The following SORBS2 variants were observed in gnomAD, a reference collection of about 807,000 sequenced individuals.
The protein encoded by SORBS2 is sorbin and SH3 domain-containing protein 2.
SORBS2 carries 46 observed loss-of-function variants against 97.7 expected under a neutral mutation model. The ratio of observed to expected loss-of-function variants is 0.47; its 90% CI spans 0.37 to 0.60. The LOEUF is 0.60. Among genes scored for constraint, SORBS2 ranks in the 20% least tolerant of loss-of-function variants. The pLI, the probability that SORBS2 is intolerant of heterozygous loss-of-function variation, is 0.00. For synonymous variants in SORBS2, 476 were observed against 473.4 expected (o/e 1.01, Z -0.07); for missense variants, 1,316 against 1,282.3 (o/e 1.03, Z -0.40).
chr4:185,806,000 T>G (rs1203806987), intron 1 of SORBS2, among the ~76,000 whole-genome samples: 1 of 152,244 alleles, frequency 6.6e-6, no homozygotes, highest in Non-Finnish European at 1.5e-5. Flanking sequence ...AGCGTTGCTC[T>G]CTTAAACTTT....
intron 1 of SORBS2, among the ~76,000 whole-genome samples, chr4:185,952,433 C>G (rs544864967): frequency 1.3e-5 from 2 of 152,334 alleles, no homozygotes. Context: ...CTGAGAACAC[C>G]GGGCCCTCCC....
At chr4:185,795,374 C>A (rs1055329353) in intron 1 of SORBS2, among the ~76,000 whole-genome samples, 1 of 152,164 alleles carries the variant, frequency 6.6e-6, no homozygotes, top group African/African-American at 2.4e-5. Context: ...CTCTGCTGCA[C>A]CCTCCCTGCC....
intron 1 of SORBS2, among the ~76,000 whole-genome samples, chr4:185,784,743 A>G (rs2099048228): frequency 6.6e-6 from 1 of 152,224 alleles, no homozygotes; most frequent in Admixed American, 6.5e-5. Context: ...TTAAGATATT[A>G]GTTAAAAAAT....
In SORBS2 at chr4:185,623,690, A is replaced by G; in HGVS notation, c.1439T>C (p.Leu480Pro). The G allele has an allele frequency of 6.2e-7, 1 of 1,614,020 alleles. No homozygotes were observed. Among genetic ancestry groups the G allele is most frequent in the Non-Finnish European group, 8.5e-7 (1 of 1,180,016 alleles). ...GGTGACTTCAATGTGAATGGGCACCAGGGCGTTAGACTGGCAGCCTCGCCG... is the reference window on the plus strand; with the variant it reads ...GGTGACTTCAATGTGAATGGGCACCGGGGCGTTAGACTGGCAGCCTCGCCG... Residue 480 changes from leucine to proline, a missense_variant, in exon 7 of 15, where the codon CTG becomes CCG. Leu to Pro is a moderately conservative substitution (Grantham distance 98, BLOSUM62 -3). Transcript: ENST00000418609. This position sits in a 1 kb window ranked among gnomAD's most constrained non-coding sequence, Gnocchi z 6.4.
intron 2 of SORBS2, chr4:185,773,427 T>C (rs2098983092): frequency 6.6e-6 from 1 of 152,228 alleles, no homozygotes; most frequent in Non-Finnish European, 1.5e-5. Flanking sequence ...ATCTCTAGGT[T>C]TTTCTACTAT....
intron 4 of SORBS2, among the ~76,000 whole-genome samples, chr4:185,672,099 G>A (rs1410237718): frequency 2.0e-5 from 3 of 152,210 alleles, no homozygotes; most frequent in Admixed American, 2.0e-4. Flanking sequence ...GATTGGGGCC[G>A]GTCTTGATAG....
intron 2 of SORBS2, among the ~76,000 whole-genome samples, chr4:185,754,159 G>A (rs1395667030): frequency 6.6e-6 from 1 of 152,126 alleles, no homozygotes; most frequent in African/African-American, 2.4e-5. Context: ...CAACATGGAT[G>A]GAGCTAGAGG....
intron 1 of SORBS2, among the ~76,000 whole-genome samples, chr4:185,838,851 G>A (rs2153676541): frequency 6.6e-6 from 1 of 152,250 alleles, no homozygotes; most frequent in East Asian, 1.9e-4. Context: ...GTCTCTGATA[G>A]CAGCCAAGAG....
rs373468220 is a variant in SORBS2 at position 185,678,532 on chromosome 4, T to G, written c.-155A>C. 101 of 1,546,198 alleles carry G rather than the reference T, an allele frequency of 6.5e-5. No homozygotes were observed. In the African/African-American group the frequency reaches 1.3e-3, roughly 20 times the overall value. ...GTTCAGTGTCTCCTGATTGCCATCATTGTAAGATCTCCAAGCTTTCATTAA... is the reference window on the plus strand; with the variant it reads ...GTTCAGTGTCTCCTGATTGCCATCAGTGTAAGATCTCCAAGCTTTCATTAA... On this transcript the variant is annotated 5_prime_UTR_variant, in exon 4 of 21. Coordinates refer to the SORBS2 transcript ENST00000284776.
chr4:185,822,020 T>TTG (rs1352695519), intron 1 of SORBS2, among the ~76,000 whole-genome samples: 8 of 152,208 alleles, frequency 5.3e-5, no homozygotes, highest in African/African-American at 1.9e-4. Context: ...GCCAATGAAA[T>TTG]TGTAACACGA....
At chr4:185,955,738 T>A (rs1231906000) in intron 1 of SORBS2, among the ~76,000 whole-genome samples, 1 of 152,150 alleles carries the variant, frequency 6.6e-6, no homozygotes. Context: ...TGTCCTAAGG[T>A]AGAAGAATCC....
At chr4:185,910,349 C>G (rs1334075119) in intron 1 of SORBS2, among the ~76,000 whole-genome samples, 1 of 152,150 alleles carries the variant, frequency 6.6e-6, no homozygotes, top group Non-Finnish European at 1.5e-5. Flanking sequence ...GATTTTGTAA[C>G]AAAGAAGCCT....
intron 2 of SORBS2, among the ~76,000 whole-genome samples, chr4:185,716,219 G>A (rs1246169187): frequency 3.9e-5 from 6 of 152,234 alleles, no homozygotes; most frequent in Non-Finnish European, 1.5e-5. Context: ...GGCTGGCGAG[G>A]TAGTCAAGAG....
intron 6 of SORBS2, 121 bp from the exon 19 acceptor site, chr4:185,624,615 G>T: frequency 9.3e-7 from 1 of 1,073,534 alleles, no homozygotes; most frequent in Non-Finnish European, 1.3e-6. Context: ...CAGTTAGTGT[G>T]TTTTAATCTA....
chr4:185,765,210 G>C (rs1018668879), intron 2 of SORBS2, among the ~76,000 whole-genome samples: 2 of 152,088 alleles, frequency 1.3e-5, no homozygotes, highest in African/African-American at 4.8e-5. Flanking sequence ...AATTGCTTTA[G>C]GCATTAAAAG....
At chr4:185,730,021 C>T (rs796783531) in intron 2 of SORBS2, among the ~76,000 whole-genome samples, 41 of 152,094 alleles carry the variant, frequency 2.7e-4, no homozygotes, top group Admixed American at 9.2e-4. Flanking sequence ...AGAGCCATCT[C>T]GGCTCACTGC....
chr4:185,589,729 T>C, exon 14 of SORBS2: 3 of 1,613,440 alleles, frequency 1.9e-6, no homozygotes, highest in Non-Finnish European at 2.5e-6. Context: ...GACATCACTT[T>C]CTCTGAGCTC....
chr4:185,617,702 C>T (rs1303433936), intron 9 of SORBS2, among the ~76,000 whole-genome samples: 1 of 152,160 alleles, frequency 6.6e-6, no homozygotes, highest in Non-Finnish European at 1.5e-5. Context: ...TGTGCTTCCG[C>T]AACCACATGC....
Position 185,630,541 on chromosome 4 carries a change from AT to A in SORBS2, c.446+7del. The A allele has an allele frequency of 6.4e-7, 1 of 1,560,528 alleles. No homozygotes were observed. Among genetic ancestry groups the A allele is most frequent in the Non-Finnish European group, 8.8e-7 (1 of 1,140,778 alleles). ...GAATATTCTGCTACAACATAATAAG[AT>A]TCTTACCTCATGGGTCTTTCCAGGC... is the stretch of plus-strand genomic sequence containing the variant. On this transcript the variant is annotated splice_region_variant and intron_variant, in intron 5 of 14. Transcript: ENST00000418609.
Sources: allele counts gnomAD v4.1 joint callset (sites outside exome capture counted in the v4.1 genomes callset), GRCh38; gene constraint gnomAD v4.1.1; non-coding constraint Gnocchi (gnomAD v3.1); transcripts MANE v1.5; gene names NCBI Gene and HGNC (gene_info 2026-07-23, HGNC 2026-07-21).